The following PUS10 variants were observed in gnomAD, a reference collection of about 807,000 sequenced individuals.
PUS10 encodes the protein tRNA pseudouridine synthase Pus10.
In PUS10, 59 loss-of-function variants were observed where a neutral mutation model predicts 75.0. The ratio of observed to expected loss-of-function variants is 0.79; its 90% CI spans 0.64 to 0.98. The LOEUF (loss-of-function observed/expected upper bound fraction) is 0.98. Ranked by LOEUF, PUS10 falls within the 50% of genes least tolerant of loss-of-function variation. The pLI is 0.00. For synonymous variants in PUS10, 219 were observed against 211.6 expected, an observed-to-expected ratio of 1.03 and a Z score of -0.30; for missense variants, 650 against 614.4, an observed-to-expected ratio of 1.06 and a Z score of -0.61.
rs749169970 is a variant in PUS10, at chr2:61,008,955, C to T, written c.187G>A (p.Val63Ile). Reference protein sequence around the residue: ...ETEKDELILEVMNPPPKKIRL... With the variant: ...ETEKDELILEIMNPPPKKIRL... ...ATTTTCTTGGGAGGTGGGTTCATAA[C>T]TTCCAAAATTAATTCATCTTTTTCA... The change falls in exon 3 of 18, where the codon GTT becomes ATT. Residue 63 changes from valine (V) to isoleucine (I), a missense_variant. Transcript: ENST00000316752. The T allele has an allele frequency of 6.2e-7, 1 of 1,613,106 alleles. No individual in the cohort carries two copies. Among genetic ancestry groups the T allele is most frequent in the Non-Finnish European group, 8.5e-7 (1 of 1,179,478 alleles).
chr2:61,015,265 C>G (rs894481148), intron 1 of PUS10, among the ~76,000 whole-genome samples: 1 of 152,050 alleles, frequency 6.6e-6, no homozygotes, highest in Non-Finnish European at 1.5e-5. Flanking sequence ...TTTGGGAGGC[C>G]GAGGCAGGCA....
chr2:60,956,251 C>T (rs939903038), intron 11 of PUS10, among the ~76,000 whole-genome samples: 4 of 152,270 alleles, frequency 2.6e-5, no homozygotes, highest in African/African-American at 9.6e-5. Context: ...ATAGCAATAT[C>T]GGTATCTTCT....
intron 4 of PUS10, among the ~76,000 whole-genome samples, chr2:61,002,335 C>T (rs1005893333): frequency 2.4e-4 from 36 of 152,164 alleles, no homozygotes; most frequent in African/African-American, 8.2e-4. Flanking sequence ...ACTGGGAGTC[C>T]CTCACACTAC....
At position 60,940,340 on chromosome 2, in the gene PUS10, A is replaced by C. The variant is rs1267991440; in HGVS notation, c.*2055T>G. The stretch of plus-strand genomic sequence containing the variant: ...CTATATAAGAGATACTAAGAAGTAC[A>C]AAGGGCTCTTTCTCTTAAGTGTTAT... On this transcript the variant is annotated 3_prime_UTR_variant, in exon 18 of 18. Transcript: ENST00000316752. The C allele has an allele frequency of 1.3e-5, 2 of 152,318 alleles. No individual in the cohort carries two copies. Among genetic ancestry groups the C allele is most frequent in the Non-Finnish European group, 2.9e-5 (2 of 68,018 alleles). 9.4% of individuals were successfully genotyped at this position (152,318 alleles called of 1,614,324 possible). A position where few individuals can be genotyped will look rare whatever the true frequency, so the allele number is the denominator to read the frequency against.
intron 16 of PUS10, among the ~76,000 whole-genome samples, chr2:60,947,544 T>C (rs549146362): frequency 3.9e-5 from 6 of 152,070 alleles, no homozygotes; most frequent in African/African-American, 1.4e-4. Flanking sequence ...GAAAAACAAA[T>C]TTAGGCCAGG....
Position 60,960,530 on chromosome 2 carries a change from T to G in PUS10, c.875-13A>C, listed in dbSNP as rs746288390. ...TTATTATATCTCCCTGAGAAAGAAA[T>G]AATCAGATAGCCTGGATGGAATGGA... On this transcript the variant is annotated splice_polypyrimidine_tract_variant and intron_variant, in intron 10 of 17. Coordinates refer to ENST00000316752, the MANE Select transcript of PUS10 (RefSeq NM_144709.4). 20 of 1,565,094 alleles carry G rather than the reference T, an allele frequency of 1.3e-5. No homozygotes were observed. Among genetic ancestry groups the G allele is most frequent in the African/African-American group, 4.2e-5 (3 of 71,244 alleles).
At chr2:61,016,200 G>C (rs753854467) in intron 1 of PUS10, among the ~76,000 whole-genome samples, 3 of 152,176 alleles carry the variant, frequency 2.0e-5, no homozygotes, top group Non-Finnish European at 4.4e-5. Flanking sequence ...CCTGATTGAT[G>C]AGAATTACAA....
chr2:61,010,997 C>G, intron 2 of PUS10: 1 of 1,352,220 alleles, frequency 7.4e-7, no homozygotes, highest in Non-Finnish European at 1.0e-6. Context: ...ATTATTATTG[C>G]CAAAATAATA....
intron 15 of PUS10, among the ~76,000 whole-genome samples, chr2:60,951,535 T>C (rs1454508111): frequency 6.6e-6 from 1 of 152,160 alleles, no homozygotes; most frequent in Non-Finnish European, 1.5e-5. Context: ...ATAAGGAGCA[T>C]GCAACCTAGA....
intron 4 of PUS10, among the ~76,000 whole-genome samples, chr2:60,977,612 T>C (rs564606156): frequency 2.2e-3 from 336 of 152,342 alleles, no homozygotes; most frequent in Non-Finnish European, 4.0e-3. Context: ...TGCTAAAATA[T>C]TTCTTTATCA....
At chr2:60,959,337 T>G (rs1675871069) in intron 11 of PUS10, among the ~76,000 whole-genome samples, 1 of 152,240 alleles carries the variant, frequency 6.6e-6, no homozygotes, top group African/African-American at 2.4e-5. Context: ...TGCATTCATT[T>G]AAAGTAGTTT....
At chr2:60,973,897 G>A (rs1237829455) in intron 4 of PUS10, among the ~76,000 whole-genome samples, 1 of 152,206 alleles carries the variant, frequency 6.6e-6, no homozygotes, top group African/African-American at 2.4e-5. Context: ...AGAGATGAGG[G>A]GACAACCAAC....
chr2:60,993,622 T>C (rs1398631768), intron 4 of PUS10, among the ~76,000 whole-genome samples: 3 of 152,210 alleles, frequency 2.0e-5, no homozygotes, highest in African/African-American at 4.8e-5. Context: ...CCTTGAATGG[T>C]ATCTAGTCTA....
intron 4 of PUS10, among the ~76,000 whole-genome samples, chr2:61,005,246 A>T (rs1459881939): frequency 6.6e-6 from 1 of 152,182 alleles, no homozygotes; most frequent in Non-Finnish European, 1.5e-5. Context: ...GGGCAACAAG[A>T]ACGAAACTCC....
At chr2:60,994,553 G>A (rs760138769) in intron 4 of PUS10, among the ~76,000 whole-genome samples, 33 of 152,258 alleles carry the variant, frequency 2.2e-4, no homozygotes, top group Non-Finnish European at 3.4e-4. Context: ...TGCTAAAATT[G>A]TAATTTAAAT....
At chr2:60,978,455 G>A (rs1210812205) in intron 4 of PUS10, among the ~76,000 whole-genome samples, 3 of 151,360 alleles carry the variant, frequency 2.0e-5, no homozygotes, top group Admixed American at 6.6e-5. Flanking sequence ...AATTCACAGG[G>A]TGAAAAACGT....
chr2:61,017,826 G>A lies in PUS10; in HGVS notation c.-16+182C>T, dbSNP rs867920633. ...CCGCCGAATTCCGGGAGCCGGACCGGGACCAGGACCGGGCCCCACTTTCCA... is the reference window on the plus strand; with the variant it reads ...CCGCCGAATTCCGGGAGCCGGACCGAGACCAGGACCGGGCCCCACTTTCCA... On this transcript the variant is annotated intron_variant, in intron 1 of 17. Transcript: ENST00000316752. 13 of 1,550,426 alleles carry A rather than the reference G, an allele frequency of 8.4e-6. 1 individual carries two copies. In the Middle Eastern group the frequency reaches 1.8e-3, roughly 219 times the overall value.
intron 4 of PUS10, among the ~76,000 whole-genome samples, chr2:60,999,516 AG>A (rs1205566494): frequency 1.3e-5 from 2 of 152,150 alleles, no homozygotes; most frequent in East Asian, 3.8e-4. Context: ...TTACTCAGGA[AG>A]GTGAGGCGGG....
At chr2:60,993,306 A>T (rs1191619711) in intron 4 of PUS10, among the ~76,000 whole-genome samples, 1 of 152,104 alleles carries the variant, frequency 6.6e-6, no homozygotes, top group Non-Finnish European at 1.5e-5. Context: ...AATACAAAAA[A>T]ATTAGCCAGG....
Sources: gnomAD v4.1 joint callset for allele counts (sites outside exome capture counted in the v4.1 genomes callset) on GRCh38, gnomAD v4.1.1 for gene constraint, MANE v1.5 for transcripts, NCBI Gene and HGNC (gene_info 2026-07-23, HGNC 2026-07-21) for gene names.